The following NDFIP2 variants were observed in gnomAD, a reference collection of about 807,000 sequenced individuals.
The protein encoded by NDFIP2 is NEDD4 family-interacting protein 2.
Under a neutral mutation model 36.0 loss-of-function variants are expected in NDFIP2, and 19 were observed. The observed-to-expected ratio is 0.53, with a 90% CI of 0.37 to 0.77. The LOEUF is 0.77. Ranked by LOEUF, NDFIP2 falls within the 30% of genes least tolerant of loss-of-function variation. The probability of loss-of-function intolerance (pLI) is 0.00; values close to 1 mark genes in which losing one functional copy is unlikely to be tolerated. For missense variants in NDFIP2, 446 were observed against 435.8 expected (o/e 1.02, Z -0.21); for synonymous variants, 181 against 167.7 (o/e 1.08, Z -0.61).
intron 3 of NDFIP2, among the ~76,000 whole-genome samples, chr13:79,535,032 T>A (rs1036138252): frequency 6.6e-6 from 1 of 152,204 alleles, no homozygotes; most frequent in Non-Finnish European, 1.5e-5. Flanking sequence ...CACAGTGGCA[T>A]AATATAGCTG....
chr13:79,524,596 C>T (rs990348491), intron 2 of NDFIP2, among the ~76,000 whole-genome samples: 1 of 152,186 alleles, frequency 6.6e-6, no homozygotes, highest in Non-Finnish European at 1.5e-5. Context: ...TCATAGCAAA[C>T]AGATTCAGGA....
At chr13:79,512,071 C>G (rs938918229) in intron 1 of NDFIP2, among the ~76,000 whole-genome samples, 34 of 152,170 alleles carry the variant, frequency 2.2e-4, no homozygotes, top group Admixed American at 3.9e-4. Flanking sequence ...CACAATTTTA[C>G]TTTTAAAACT....
chr13:79,536,627 ATTCCCTG>A, intron 3 of NDFIP2, among the ~76,000 whole-genome samples: 1 of 152,306 alleles, frequency 6.6e-6, no homozygotes, highest in East Asian at 1.9e-4. Flanking sequence ...TAATAGTTAA[ATTCCCTG>A]TAATCAATAT....
At position 79,520,896 on chromosome 13, in the gene NDFIP2, G is replaced by A. The variant is rs371388745; in HGVS notation, c.408G>A (p.Ala136=). 1.8e-5 allele frequency: 29 copies of A among 1,613,694 alleles called. No individual in the cohort carries two copies. The highest frequency in any genetic ancestry group is 2.2e-5 in the Non-Finnish European group (26 of 1,179,824). ...CAGCACCGCAGATTGTGCAGGCTGC[G>A]TCTTCAGCACCAGCACTTGAAACTG... is the stretch of plus-strand genomic sequence containing the variant. ...SNPAPQIVQA[A]SSAPALETDS... Residue 136 remains alanine (A), a synonymous_variant, in exon 2 of 8, where the codon GCG becomes GCA. Transcript: ENST00000218652.
At chr13:79,541,819 A>G (rs1383728583) in intron 4 of NDFIP2, among the ~76,000 whole-genome samples, 1 of 152,216 alleles carries the variant, frequency 6.6e-6, no homozygotes, top group Non-Finnish European at 1.5e-5. Flanking sequence ...GACTATTTCA[A>G]TTAAAACCTT....
At chr13:79,520,150 C>T (rs1401268371) in intron 1 of NDFIP2, among the ~76,000 whole-genome samples, 1 of 152,138 alleles carries the variant, frequency 6.6e-6, no homozygotes, top group Non-Finnish European at 1.5e-5. Flanking sequence ...TAGCGTACTC[C>T]ACATTTTTAG....
intron 2 of NDFIP2, among the ~76,000 whole-genome samples, chr13:79,522,635 T>G (rs1874631211): frequency 6.6e-6 from 1 of 152,162 alleles, no homozygotes. Context: ...CTCAAAAGCT[T>G]CTTTTTTCAC....
intron 1 of NDFIP2, among the ~76,000 whole-genome samples, chr13:79,505,703 T>C (rs941646580): frequency 1.3e-5 from 2 of 151,790 alleles, no homozygotes; most frequent in African/African-American, 4.8e-5. Flanking sequence ...GAATACCATT[T>C]TAGATTATAT....
chr13:79,511,566 A>G (rs1485065601), intron 1 of NDFIP2, among the ~76,000 whole-genome samples: 1 of 152,220 alleles, frequency 6.6e-6, no homozygotes, highest in Non-Finnish European at 1.5e-5. Context: ...GGAATCATAG[A>G]AATCTGTGAG....
chr13:79,501,271 A>G (rs1873655533), intron 1 of NDFIP2, among the ~76,000 whole-genome samples: 2 of 152,040 alleles, frequency 1.3e-5, no homozygotes, highest in African/African-American at 4.8e-5. Flanking sequence ...ACCCATGGAA[A>G]CAGCGCCAAG....
chr13:79,483,023 T>C (rs1396238832), intron 1 of NDFIP2, among the ~76,000 whole-genome samples: 3 of 152,244 alleles, frequency 2.0e-5, no homozygotes, highest in African/African-American at 7.2e-5. Context: ...CAAAACACTG[T>C]TAATTTATGT....
At position 79,554,928 on chromosome 13, in the gene NDFIP2, A is replaced by G. The variant is rs1876052401; in HGVS notation, c.*2415A>G. 6.6e-6 allele frequency: 1 copy of G among 151,932 alleles called. No individual in the cohort carries two copies. 9.4% of individuals were successfully genotyped at this position (151,932 alleles called of 1,614,324 possible). On this transcript the variant is annotated 3_prime_UTR_variant, in exon 8 of 8. Coordinates refer to ENST00000218652, the MANE Select transcript of NDFIP2 (RefSeq NM_019080.3). ...TTTCATGTATTTATGCAATAAACTG[A>G]ATTTTAAGGCAAAAACAACACTTTT... is the stretch of plus-strand genomic sequence containing the variant.
Position 79,531,415 on chromosome 13 carries a change from C to T in NDFIP2, c.488-1908C>T, listed in dbSNP as rs572474724. ...AATCCTTATAAGAGAGTCAGCCTGT[C>T]CTTTGAAGCTTTGAAACCAGGAATT... On this transcript the variant is annotated intron_variant, in intron 2 of 7. Transcript: ENST00000218652. Among the ~76,000 whole-genome samples the T allele has an allele frequency of 2.6e-5, 4 of 152,208 alleles. No homozygotes were observed. The South Asian group carries it at 8.3e-4, about 32-fold the overall frequency.
rs190922920 is a variant in NDFIP2, at chr13:79,499,668, A to G, written c.321+18144A>G. Among the ~76,000 whole-genome samples the G allele has an allele frequency of 2.1e-4, 32 of 151,918 alleles. No individual in the cohort carries two copies. In the East Asian group the frequency reaches 5.8e-3, roughly 27 times the overall value. On this transcript the variant is annotated intron_variant, in intron 1 of 7. Transcript: ENST00000218652. ...GAAATACTTAAGTATAAATCTAACA[A>G]ACTGTGGACAAGATCTATATGAGGA...
Position 79,500,663 on chromosome 13 carries a change from A to G in NDFIP2, c.321+19139A>G, listed in dbSNP as rs1873630635. Among the ~76,000 whole-genome samples, 5 of 152,140 alleles carry G rather than the reference A, an allele frequency of 3.3e-5. No individual in the cohort carries two copies. The South Asian group carries it at 1.0e-3, about 32-fold the overall frequency. On this transcript the variant is annotated intron_variant, in intron 1 of 7. Coordinates refer to ENST00000218652, the MANE Select transcript of NDFIP2 (RefSeq NM_019080.3). Reference sequence around the variant, plus strand: ...GCCCAAATTCAGAACGCTGACAACAACAGATTCTTCTGAGGATGTGGAACA... The same window carrying G: ...GCCCAAATTCAGAACGCTGACAACAGCAGATTCTTCTGAGGATGTGGAACA...
chr13:79,533,034 TCTTA>T lies in NDFIP2; in HGVS notation c.488-285_488-282del, dbSNP rs1436491843. 3.3e-5 allele frequency among the ~76,000 whole-genome samples: 5 copies of T among 152,226 alleles called. No homozygotes were observed. In the East Asian group the frequency reaches 7.7e-4, roughly 23 times the overall value. ...AGAGAATACTCATATATTATGAGATTCTTACTTCTCTTGTCTGGCACTCTTTTTC... is the reference window on the plus strand; with the variant it reads ...AGAGAATACTCATATATTATGAGATTCTTCTCTTGTCTGGCACTCTTTTTC... On this transcript the variant is annotated intron_variant, in intron 2 of 7. Transcript: ENST00000218652.
chr13:79,487,320 AGATT>A (rs1420594817), intron 1 of NDFIP2, among the ~76,000 whole-genome samples: 2 of 152,176 alleles, frequency 1.3e-5, no homozygotes, highest in Admixed American at 6.5e-5. Context: ...GAAGTTTTTT[AGATT>A]GATCCATGTT....
intron 2 of NDFIP2, among the ~76,000 whole-genome samples, chr13:79,524,985 A>G (rs1874735428): frequency 6.6e-6 from 1 of 152,114 alleles, no homozygotes; most frequent in Non-Finnish European, 1.5e-5. Context: ...GCTTGTTTGG[A>G]TGGTATCCTT....
intron 1 of NDFIP2, among the ~76,000 whole-genome samples, chr13:79,514,157 G>A (rs750380246): frequency 6.6e-6 from 1 of 152,148 alleles, no homozygotes; most frequent in Non-Finnish European, 1.5e-5. Flanking sequence ...TAATGTATTA[G>A]GTTGGTGCAA....
Sources: gnomAD v4.1 joint callset for allele counts (sites outside exome capture counted in the v4.1 genomes callset) on GRCh38, gnomAD v4.1.1 for gene constraint, MANE v1.5 for transcripts, NCBI Gene and HGNC (gene_info 2026-07-23, HGNC 2026-07-21) for gene names.